Variants in PIK3C2G observed in about 807,000 individuals in gnomAD.
PIK3C2G encodes phosphatidylinositol 3-kinase C2 domain-containing subunit gamma.
PIK3C2G carries 168 observed loss-of-function variants against 181.1 expected under a neutral mutation model. The ratio of observed to expected loss-of-function variants is 0.93; its 90% CI spans 0.82 to 1.05. The LOEUF (loss-of-function observed/expected upper bound fraction) is 1.05. Ranked by LOEUF, PIK3C2G falls within the 50% of genes least tolerant of loss-of-function variation. The pLI is 0.00. For missense variants in PIK3C2G, 1,869 were observed against 1,732.8 expected, an observed-to-expected ratio of 1.08 and a Z score of -1.40; for synonymous variants, 573 against 592.2, an observed-to-expected ratio of 0.97 and a Z score of 0.47.
At chr12:18,401,194 A>T (rs2138136526) in intron 16 of PIK3C2G, among the ~76,000 whole-genome samples, 1 of 152,198 alleles carries the variant, frequency 6.6e-6, no homozygotes, top group East Asian at 1.9e-4. Context: ...ACTTTCTAAG[A>T]TGCATTATTA....
upstream of PIK3C2G, among the ~76,000 whole-genome samples, chr12:18,243,059 T>A (rs1015748288): frequency 6.6e-6 from 1 of 152,176 alleles, no homozygotes; most frequent in African/African-American, 2.4e-5. Flanking sequence ...GTAAGTAATG[T>A]AAATGTACAC....
At chr12:18,294,728 T>C (rs1241155051) in intron 5 of PIK3C2G, among the ~76,000 whole-genome samples, 2 of 152,034 alleles carry the variant, frequency 1.3e-5, no homozygotes, top group Non-Finnish European at 2.9e-5. Context: ...TGGTATTGCA[T>C]AGTTATTCTA....
chr12:18,708,521 A>G, the PIK3C2G span, among the ~76,000 whole-genome samples: 1 of 152,178 alleles, frequency 6.6e-6, no homozygotes. Context: ...TTGGGTATGT[A>G]CCCAGAAGAG....
chr12:18,568,911 A>C (rs930337271), intron 29 of PIK3C2G, among the ~76,000 whole-genome samples: 1 of 152,120 alleles, frequency 6.6e-6, no homozygotes, highest in Non-Finnish European at 1.5e-5. Flanking sequence ...GTAAAATGTA[A>C]ACACACTCAG....
chr12:18,695,962 C>G, the PIK3C2G span, among the ~76,000 whole-genome samples: 1 of 151,982 alleles, frequency 6.6e-6, no homozygotes, highest in Non-Finnish European at 1.5e-5. Context: ...GAGATTTACC[C>G]CGCTTCAACC....
At chr12:18,499,882 C>T (rs1353845058) in intron 22 of PIK3C2G, among the ~76,000 whole-genome samples, 3 of 152,194 alleles carry the variant, frequency 2.0e-5, no homozygotes, top group African/African-American at 4.8e-5. Context: ...AATCTCAGGC[C>T]GCACGCCTGC....
At chr12:18,248,483 G>A (rs1338995579) in intron 1 of PIK3C2G, among the ~76,000 whole-genome samples, 1 of 152,130 alleles carries the variant, frequency 6.6e-6, no homozygotes, top group African/African-American at 2.4e-5. Context: ...TGAGGCAGGA[G>A]AATGGTGTGA....
chr12:18,327,947 C>T (rs901188251), intron 8 of PIK3C2G, among the ~76,000 whole-genome samples: 15 of 151,962 alleles, frequency 9.9e-5, no homozygotes, highest in Middle Eastern at 3.4e-3. Context: ...AAAACTAAAT[C>T]GTAGCCTTGG....
the PIK3C2G span, among the ~76,000 whole-genome samples, chr12:18,692,555 G>A: frequency 0.38 from 57,698 of 151,916 alleles, 11,910 homozygotes; most frequent in African/African-American, 0.53. Flanking sequence ...ATAATAAGAC[G>A]AGAGTCTGGA....
At chr12:18,701,388 G>T in the PIK3C2G span, 2 of 1,543,454 alleles carry the variant, frequency 1.3e-6, no homozygotes, top group Non-Finnish European at 1.8e-6. Flanking sequence ...TGATAGACTA[G>T]AGTTTTTATA....
At chr12:18,453,525 G>A (rs1023653741) in intron 18 of PIK3C2G, among the ~76,000 whole-genome samples, 2 of 152,070 alleles carry the variant, frequency 1.3e-5, no homozygotes, top group Admixed American at 1.3e-4. Context: ...TTGGTGACCT[G>A]TGCTTTTAAT....
chr12:18,502,805 C>T (rs1402169532), intron 22 of PIK3C2G, among the ~76,000 whole-genome samples: 1 of 152,182 alleles, frequency 6.6e-6, no homozygotes, highest in Admixed American at 6.5e-5. Flanking sequence ...TTCACTCCCG[C>T]AAATGTAACA....
intron 14 of PIK3C2G, among the ~76,000 whole-genome samples, 195 bp downstream of exon 14, chr12:18,382,075 A>G (rs1337814014): frequency 6.6e-6 from 1 of 152,194 alleles, no homozygotes; most frequent in Non-Finnish European, 1.5e-5. Flanking sequence ...CCCAGCTTAT[A>G]TAATGGCAAT....
chr12:18,286,733 T>C (rs916079314), intron 2 of PIK3C2G, 114 bp from the exon 3 acceptor site: 6 of 600,296 alleles, frequency 1.0e-5, no homozygotes, highest in Non-Finnish European at 1.4e-5. Flanking sequence ...TTAAAAAATC[T>C]AAAAAAAATT....
At chr12:18,553,760 AC>A (rs968419319) in intron 26 of PIK3C2G, among the ~76,000 whole-genome samples, 3 of 152,066 alleles carry the variant, frequency 2.0e-5, no homozygotes, top group African/African-American at 7.2e-5. Flanking sequence ...TCAAGAGAGC[AC>A]CACAAGTCAG....
intron 16 of PIK3C2G, among the ~76,000 whole-genome samples, chr12:18,406,985 A>G (rs1305095198): frequency 6.6e-6 from 1 of 152,146 alleles, no homozygotes; most frequent in East Asian, 1.9e-4. Flanking sequence ...AATCAGACTT[A>G]TCTGGTTCTA....
intron 31 of PIK3C2G, among the ~76,000 whole-genome samples, chr12:18,620,207 T>C (rs1397538605): frequency 2.0e-5 from 3 of 152,168 alleles, no homozygotes; most frequent in African/African-American, 7.2e-5. Context: ...ATTATCTGTA[T>C]ACTAGTTCTA....
intron 16 of PIK3C2G, among the ~76,000 whole-genome samples, chr12:18,420,100 T>C (rs1223470505): frequency 6.6e-6 from 1 of 152,112 alleles, no homozygotes; most frequent in East Asian, 1.9e-4. Context: ...TGCTTGTTAA[T>C]TTTTTTCTAA....
chr12:18,366,110 A>G (rs557990306), intron 12 of PIK3C2G, among the ~76,000 whole-genome samples: 6 of 152,330 alleles, frequency 3.9e-5, no homozygotes, highest in African/African-American at 1.4e-4. Context: ...TCTTTAAAAT[A>G]TCAGTCAAGG....
Sources: gnomAD v4.1 joint callset for allele counts (sites outside exome capture counted in the v4.1 genomes callset) on GRCh38, gnomAD v4.1.1 for gene constraint, MANE v1.5 for transcripts, NCBI Gene and HGNC (gene_info 2026-07-23, HGNC 2026-07-21) for gene names.